Variants in ACYP2 observed in about 807,000 individuals in gnomAD.
The protein encoded by ACYP2 is acylphosphatase-2.
A neutral mutation model predicts 11.2 loss-of-function variants in ACYP2; 12 were observed. The ratio of observed to expected loss-of-function variants is 1.08; its 90% CI spans 0.69 to 1.74. The LOEUF is 1.74. Among genes scored for constraint, ACYP2 ranks in the 40% most tolerant of loss-of-function variants. The pLI is 0.00. For missense variants in ACYP2, 134 were observed against 101.9 expected (o/e 1.31, Z -1.35); for synonymous variants, 43 against 32.2 (o/e 1.33, Z -1.13).
intron 4 of ACYP2, among the ~76,000 whole-genome samples, chr2:54,071,857 A>C (rs537739840): frequency 6.6e-6 from 1 of 152,272 alleles, no homozygotes; most frequent in Non-Finnish European, 1.5e-5. Flanking sequence ...CTAAAAATAC[A>C]AAACTTAGGT....
At chr2:54,125,441 C>G (rs375252239) in intron 4 of ACYP2, among the ~76,000 whole-genome samples, 7 of 152,218 alleles carry the variant, frequency 4.6e-5, no homozygotes, top group African/African-American at 1.7e-4. Flanking sequence ...AAAAATCATT[C>G]AAAGAGTATT....
rs58842257 is a variant in ACYP2 at position 54,102,638 on chromosome 2, C to CAAAAAAAAAAAAAA, written c.278-32792_278-32779dup. Among the ~76,000 whole-genome samples the CAAAAAAAAAAAAAA allele has an allele frequency of 6.0e-4, 50 of 83,322 alleles. 12 individuals carry two copies. Among genetic ancestry groups the CAAAAAAAAAAAAAA allele is most frequent in the Non-Finnish European group, 7.2e-4 (31 of 43,288 alleles). The allele number at this position is 83,322 out of a possible 152,430, so 54.7% of individuals were successfully genotyped here. On this transcript the variant is annotated intron_variant, in intron 4 of 6. Transcript: ENST00000607452. The stretch of plus-strand genomic sequence containing the variant: ...AAACCCAATTTAAGCTGGCTTAAGC[C>CAAAAAAAAAAAAAA]AAAAAAAAAAAAAAAAAAAAAAAAA...
intron 6 of ACYP2, among the ~76,000 whole-genome samples, chr2:54,210,778 G>A (rs897722847): frequency 1.5e-4 from 23 of 151,900 alleles, no homozygotes; most frequent in African/African-American, 5.6e-4. Flanking sequence ...TGGAATAGCA[G>A]ATTAAAGATG....
chr2:54,119,257 A>G (rs1680002213), intron 4 of ACYP2, among the ~76,000 whole-genome samples: 1 of 151,630 alleles, frequency 6.6e-6, no homozygotes, highest in Non-Finnish European at 1.5e-5. Flanking sequence ...GAGTCTCACT[A>G]TGTTGACTAG....
intron 6 of ACYP2, among the ~76,000 whole-genome samples, chr2:54,274,046 G>A (rs113885540): frequency 0.039 from 6,011 of 152,230 alleles, 395 homozygotes; most frequent in African/African-American, 0.14. Flanking sequence ...TTTTCACACC[G>A]CTGATAAAGA....
At chr2:54,294,842 G>A (rs1385505751) in intron 6 of ACYP2, among the ~76,000 whole-genome samples, 1 of 151,966 alleles carries the variant, frequency 6.6e-6, no homozygotes, top group Non-Finnish European at 1.5e-5. Context: ...CCTGAGCCCA[G>A]GAGGTTGAGG....
chr2:54,097,929 C>A (rs1380690531), intron 4 of ACYP2, among the ~76,000 whole-genome samples: 1 of 126,252 alleles, frequency 7.9e-6, no homozygotes, highest in South Asian at 2.5e-4. Context: ...CTTTCTTCCT[C>A]CCCCTCCTTC....
At chr2:54,043,965 G>A (rs978727300) in intron 2 of ACYP2, among the ~76,000 whole-genome samples, 3 of 152,156 alleles carry the variant, frequency 2.0e-5, no homozygotes, top group Non-Finnish European at 4.4e-5. Flanking sequence ...AAATGTATGT[G>A]AGGATGAGAA....
intron 6 of ACYP2, among the ~76,000 whole-genome samples, chr2:54,223,899 C>T (rs1379788410): frequency 6.6e-6 from 1 of 151,968 alleles, no homozygotes; most frequent in East Asian, 1.9e-4. Flanking sequence ...TTTAACGTAA[C>T]AAATATTGTT....
intron 6 of ACYP2, among the ~76,000 whole-genome samples, chr2:54,221,679 C>T (rs1356455893): frequency 2.0e-5 from 3 of 151,908 alleles, no homozygotes; most frequent in East Asian, 1.9e-4. Flanking sequence ...TGCCACCACA[C>T]CTGGCTAATT....
intron 6 of ACYP2, among the ~76,000 whole-genome samples, chr2:54,139,184 C>T (rs975549958): frequency 1.3e-5 from 2 of 152,124 alleles, no homozygotes; most frequent in East Asian, 1.9e-4. Context: ...TCTCCTCCAG[C>T]GTTAGGGAGA....
intron 4 of ACYP2, 136 bp downstream of exon 1, chr2:54,115,892 G>A (rs995523542): frequency 5.9e-6 from 7 of 1,192,680 alleles, no homozygotes; most frequent in Non-Finnish European, 6.7e-6. Flanking sequence ...ACACAGCAGC[G>A]GCGGCGGGGA....
intron 2 of ACYP2, among the ~76,000 whole-genome samples, chr2:54,008,652 C>T (rs556577697): frequency 5.9e-4 from 90 of 152,252 alleles, no homozygotes; most frequent in South Asian, 2.1e-4. Context: ...CATTCCACCA[C>T]GCCTGGTTAA....
intron 6 of ACYP2, among the ~76,000 whole-genome samples, chr2:54,273,526 A>T (rs1224312939): frequency 6.6e-6 from 1 of 152,078 alleles, no homozygotes; most frequent in African/African-American, 2.4e-5. Context: ...GTGCAGTGGG[A>T]CAGTCTCACC....
intron 6 of ACYP2, among the ~76,000 whole-genome samples, chr2:54,243,248 T>C (rs1162344334): frequency 6.6e-6 from 1 of 152,202 alleles, no homozygotes; most frequent in Admixed American, 6.5e-5. Context: ...GCAAATATTG[T>C]AGGGTAGACT....
chr2:54,078,417 T>TATATAA (rs1677461831), intron 4 of ACYP2, among the ~76,000 whole-genome samples: 1 of 120,406 alleles, frequency 8.3e-6, no homozygotes, highest in Non-Finnish European at 1.8e-5. Context: ...GTACCATATA[T>TATATAA]GGTACGCATA....
At chr2:54,144,287 T>C (rs1009086064) in intron 6 of ACYP2, among the ~76,000 whole-genome samples, 5 of 152,132 alleles carry the variant, frequency 3.3e-5, no homozygotes, top group Admixed American at 2.6e-4. Context: ...ACTGATATAG[T>C]TGAGTTTTCC....
intron 4 of ACYP2, among the ~76,000 whole-genome samples, chr2:54,125,001 C>A (rs1420114904): frequency 6.6e-6 from 1 of 152,180 alleles, no homozygotes; most frequent in Non-Finnish European, 1.5e-5. Flanking sequence ...AATTCATCTG[C>A]CTTGTCTTCC....
intron 6 of ACYP2, chr2:54,255,255 T>G (rs780452542): frequency 6.2e-7 from 1 of 1,614,180 alleles, no homozygotes; most frequent in Non-Finnish European, 8.5e-7. Flanking sequence ...AAGGGTTTCT[T>G]TGAAAGAAGA....
Sources: gnomAD v4.1 joint callset for allele counts (sites outside exome capture counted in the v4.1 genomes callset) on GRCh38, gnomAD v4.1.1 for gene constraint, MANE v1.5 for transcripts, NCBI Gene and HGNC (gene_info 2026-07-23, HGNC 2026-07-21) for gene names.